LY75: variants seen among roughly 807,000 people sequenced by gnomAD.
The protein encoded by LY75 is lymphocyte antigen 75, also known as C-type lectin domain family 13 member B.
In LY75, 185 loss-of-function variants were observed where a neutral mutation model predicts 231.7. That is an observed-to-expected ratio of 0.80 (90% CI 0.71 to 0.90). The LOEUF (loss-of-function observed/expected upper bound fraction) is 0.90. LY75 is among the 40% of genes least tolerant of loss of function. The pLI is 0.00. For missense variants in LY75, 1,947 were observed against 2,050.2 expected, an observed-to-expected ratio of 0.95 and a Z score of 0.97; for synonymous variants, 668 against 689.0, an observed-to-expected ratio of 0.97 and a Z score of 0.48.
chr2:159,852,368 T>C (rs746314873), intron 20 of LY75, 28 bp from the exon 21 acceptor site: 2 of 1,589,914 alleles, frequency 1.3e-6, no homozygotes, highest in South Asian at 2.3e-5. Flanking sequence ...AGGATTACTA[T>C]GGTGAGAATT....
At chr2:159,837,637 TTAAA>T (rs1426727008) in intron 25 of LY75, among the ~76,000 whole-genome samples, 1 of 140,592 alleles carries the variant, frequency 7.1e-6, no homozygotes, top group Non-Finnish European at 1.5e-5. Flanking sequence ...CCCCTGAATC[TTAAA>T]TAAATACATA....
Position 159,875,522 on chromosome 2 carries a change from A to C in LY75, c.1896T>G (p.Pro632=). The C allele has an allele frequency of 1.2e-6, 2 of 1,614,110 alleles. No individual in the cohort carries two copies. Among genetic ancestry groups the C allele is most frequent in the Admixed American group, 1.7e-5 (1 of 59,998 alleles). The change falls in exon 12 of 35, where the codon CCT becomes CCG. Residue 632 remains proline, a synonymous_variant. Coordinates refer to ENST00000263636, the MANE Select transcript of LY75 (RefSeq NM_002349.4). ...ICKKMSGPLG[P]EEASPKPDDP... The stretch of plus-strand genomic sequence containing the variant: ...CATCAGGCTTAGGGGATGCTTCTTC[A>C]GGCCCAAGGGGTCCACTCATTTTCT...
At chr2:159,846,921 G>T (rs1032863957) in intron 23 of LY75, among the ~76,000 whole-genome samples, 8 of 152,260 alleles carry the variant, frequency 5.3e-5, no homozygotes, top group African/African-American at 1.9e-4. Context: ...ATCAGAGAAA[G>T]ATCAATGAAA....
At chr2:159,808,311 C>A in intron 33 of LY75, 138 bp downstream of exon 33, 1 of 1,455,326 alleles carries the variant, frequency 6.9e-7, no homozygotes, top group Non-Finnish European at 9.3e-7. Context: ...CCATCCAGAA[C>A]AGCCAGCGAC....
At chr2:159,873,207 T>C (rs1685071611) in intron 12 of LY75, among the ~76,000 whole-genome samples, 2 of 151,960 alleles carry the variant, frequency 1.3e-5, no homozygotes, top group South Asian at 4.2e-4. Flanking sequence ...GAAGAAGAGA[T>C]GATGACACAA....
At chr2:159,859,218 C>A (rs1009206793) in intron 15 of LY75, among the ~76,000 whole-genome samples, 2 of 152,206 alleles carry the variant, frequency 1.3e-5, no homozygotes, top group Non-Finnish European at 2.9e-5. Flanking sequence ...GAAGTTTTCA[C>A]CTTTTCCTGT....
At chr2:159,841,387 C>T (rs1267431826) in intron 24 of LY75, among the ~76,000 whole-genome samples, 2 of 151,828 alleles carry the variant, frequency 1.3e-5, no homozygotes, top group South Asian at 4.1e-4. Flanking sequence ...TAGTACTTCG[C>T]TAATAAAGGA....
At chr2:159,813,611 A>G (rs1263295042) in intron 31 of LY75, among the ~76,000 whole-genome samples, 1 of 152,030 alleles carries the variant, frequency 6.6e-6, no homozygotes, top group African/African-American at 2.4e-5. Context: ...CTTTGTCATC[A>G]CGTGGACTTT....
intron 17 of LY75, among the ~76,000 whole-genome samples, 174 bp from the exon 18 acceptor site, chr2:159,854,709 T>C (rs1331699740): frequency 6.6e-6 from 1 of 152,150 alleles, no homozygotes; most frequent in Non-Finnish European, 1.5e-5. Context: ...ACTCTGCCAC[T>C]CCCCTACACT....
chr2:159,844,577 T>C (rs1450422120), intron 23 of LY75, among the ~76,000 whole-genome samples: 1 of 151,996 alleles, frequency 6.6e-6, no homozygotes, highest in Non-Finnish European at 1.5e-5. Context: ...AGGCATGAAA[T>C]GAAAACGAGA....
At chr2:159,847,199 A>G (rs13396598) in intron 23 of LY75, among the ~76,000 whole-genome samples, 7,189 of 152,214 alleles carry the variant, frequency 0.047, 517 homozygotes, top group African/African-American at 0.16. Flanking sequence ...TTCTTAGTAG[A>G]GACGGGGTTT....
chr2:159,871,440 C>T (rs1397713898), intron 13 of LY75, among the ~76,000 whole-genome samples: 1 of 151,768 alleles, frequency 6.6e-6, no homozygotes, highest in East Asian at 1.9e-4. Context: ...GAAAATGTTG[C>T]TAGTTGCTTT....
intron 31 of LY75, among the ~76,000 whole-genome samples, chr2:159,810,926 G>C (rs963208584): frequency 6.6e-6 from 1 of 152,212 alleles, no homozygotes; most frequent in African/African-American, 2.4e-5. Context: ...GACTAAAGTA[G>C]AAACAATGAG....
At chr2:159,898,635 CACATGTG>C (rs1385427843) in intron 2 of LY75, 46 bp downstream of exon 2, 5 of 1,564,342 alleles carry the variant, frequency 3.2e-6, no homozygotes, top group Non-Finnish European at 4.3e-6. Flanking sequence ...TGTTTAATGC[CACATGTG>C]ACAAGCACAA....
chr2:159,850,799 T>TATA (rs1491206351), intron 21 of LY75, among the ~76,000 whole-genome samples: 5 of 105,360 alleles, frequency 4.7e-5, no homozygotes, highest in African/African-American at 1.2e-4. Context: ...TATATATATA[T>TATA]TATATCTTAT....
chr2:159,880,615 T>A (rs182988101), intron 8 of LY75, among the ~76,000 whole-genome samples: 215 of 152,360 alleles, frequency 1.4e-3, no homozygotes, highest in African/African-American at 5.0e-3. Context: ...GCTTATTTAG[T>A]AATTGCTTTT....
chr2:159,873,852 AC>A (rs1685095453), intron 12 of LY75, among the ~76,000 whole-genome samples: 1 of 127,088 alleles, frequency 7.9e-6, no homozygotes, highest in African/African-American at 2.7e-5. Context: ...ATACATATAA[AC>A]GTATATATTT....
At chr2:159,895,253 A>C (rs1364995783) in intron 2 of LY75, among the ~76,000 whole-genome samples, 4 of 152,240 alleles carry the variant, frequency 2.6e-5, no homozygotes, top group Non-Finnish European at 5.9e-5. Flanking sequence ...TCTTTTAAAG[A>C]TCACTGGTTT....
chr2:159,874,941 G>A (rs1190944066), intron 12 of LY75, among the ~76,000 whole-genome samples: 9 of 129,354 alleles, frequency 7.0e-5, no homozygotes, highest in South Asian at 2.6e-4. Context: ...TATATATATT[G>A]TAAATATATT....
Sources: gnomAD v4.1 joint callset for allele counts (sites outside exome capture counted in the v4.1 genomes callset) on GRCh38, gnomAD v4.1.1 for gene constraint, MANE v1.5 for transcripts, NCBI Gene and HGNC (gene_info 2026-07-23, HGNC 2026-07-21) for gene names.